The following PRKN variants were observed in gnomAD, a reference collection of about 807,000 sequenced individuals.
PRKN encodes E3 ubiquitin-protein ligase parkin.
A neutral mutation model predicts 59.5 loss-of-function variants in PRKN; 56 were observed. That is an observed-to-expected ratio of 0.94 (90% confidence interval 0.76 to 1.18). The LOEUF (loss-of-function observed/expected upper bound fraction) is 1.18, where lower values mean the gene tolerates loss of function less well. PRKN is among the 50% of genes most tolerant of loss of function. PRKN has a pLI of 0.00. For synonymous variants in PRKN, 250 were observed against 222.1 expected (o/e 1.13, Z -1.12); for missense variants, 657 against 596.4 (o/e 1.10, Z -1.06).
At chr6:162,154,852 T>C (rs1782435400) in intron 4 of PRKN, among the ~76,000 whole-genome samples, 1 of 151,930 alleles carries the variant, frequency 6.6e-6, no homozygotes, top group African/African-American at 2.4e-5. Context: ...TTGATACACA[T>C]ATATTTTCTT....
intron 1 of PRKN, among the ~76,000 whole-genome samples, chr6:162,446,063 G>A (rs1355315700): frequency 6.6e-6 from 1 of 152,180 alleles, no homozygotes; most frequent in Non-Finnish European, 1.5e-5. Flanking sequence ...AGGAAAAGGT[G>A]CTTTTGATAC....
intron 2 of PRKN, among the ~76,000 whole-genome samples, chr6:162,416,733 C>T (rs17529799): frequency 0.015 from 2,324 of 152,174 alleles, 37 homozygotes; most frequent in Non-Finnish European, 0.025. Context: ...CTTACTGACA[C>T]GTGATTGGGG....
chr6:161,778,184 G>A (rs571071554), intron 7 of PRKN, among the ~76,000 whole-genome samples: 3 of 152,166 alleles, frequency 2.0e-5, no homozygotes, highest in South Asian at 4.2e-4. Context: ...TGGTGACTAT[G>A]CCACCCCAGC....
At chr6:162,177,845 T>C (rs1289401796) in intron 4 of PRKN, among the ~76,000 whole-genome samples, 1 of 152,196 alleles carries the variant, frequency 6.6e-6, no homozygotes, top group Non-Finnish European at 1.5e-5. Flanking sequence ...AAGCTGCAGC[T>C]GCGTGCCTCC....
intron 9 of PRKN, among the ~76,000 whole-genome samples, chr6:161,427,327 A>G (rs568257588): frequency 8.5e-5 from 13 of 152,162 alleles, no homozygotes; most frequent in Non-Finnish European, 1.6e-4. Context: ...TATGCGAATC[A>G]TCTTTTTTAA....
intron 2 of PRKN, among the ~76,000 whole-genome samples, chr6:162,416,769 A>G (rs1788648225): frequency 6.6e-6 from 1 of 152,184 alleles, no homozygotes; most frequent in Non-Finnish European, 1.5e-5. Context: ...CATTTCTACA[A>G]AGCATTTTAT....
In PRKN at chr6:162,253,968, G is replaced by A. The variant is rs542497606; in HGVS notation, c.412+8557C>T. Among the ~76,000 whole-genome samples, 4 of 152,220 alleles carry A rather than the reference G, an allele frequency of 2.6e-5. No individual in the cohort carries two copies. The East Asian group carries it at 7.7e-4, about 29-fold the overall frequency. On this transcript the variant is annotated intron_variant, in intron 3 of 11. Coordinates refer to ENST00000366898, the MANE Select transcript of PRKN (RefSeq NM_004562.3). ...GAAATTACATGGCAAACAACAATCT[G>A]TGAAAACTTTCAAATCATACTTTCC...
intron 6 of PRKN, among the ~76,000 whole-genome samples, chr6:161,786,555 A>T (rs1341163638): frequency 6.6e-6 from 1 of 152,136 alleles, no homozygotes; most frequent in African/African-American, 2.4e-5. Flanking sequence ...AAATTCTGCT[A>T]TCCCACTTAT....
chr6:161,439,263 T>A (rs149302821), intron 9 of PRKN, among the ~76,000 whole-genome samples: 1 of 152,082 alleles, frequency 6.6e-6, no homozygotes, highest in African/African-American at 2.4e-5. Flanking sequence ...TCCCAACAAC[T>A]GGCCTCCCTC....
At chr6:161,469,044 C>G (rs1451619827) in intron 9 of PRKN, among the ~76,000 whole-genome samples, 1 of 152,212 alleles carries the variant, frequency 6.6e-6, no homozygotes. Flanking sequence ...AGAGTCAATA[C>G]TGCCACCTCC....
At chr6:162,104,314 C>A (rs1780097475) in intron 4 of PRKN, among the ~76,000 whole-genome samples, 1 of 152,152 alleles carries the variant, frequency 6.6e-6, no homozygotes, top group South Asian at 2.1e-4. Flanking sequence ...GTATTTCCAG[C>A]ACAAGATTCT....
intron 3 of PRKN, among the ~76,000 whole-genome samples, chr6:162,256,266 G>T (rs1250296598): frequency 2.0e-5 from 3 of 152,036 alleles, no homozygotes; most frequent in African/African-American, 7.2e-5. Flanking sequence ...TATTAATTCT[G>T]TTTTTCTTAC....
chr6:162,699,909 A>G (rs1284802271), intron 1 of PRKN, among the ~76,000 whole-genome samples: 1 of 152,182 alleles, frequency 6.6e-6, no homozygotes, highest in Non-Finnish European at 1.5e-5. Flanking sequence ...ACAAGAGAAA[A>G]TTAAAACTCA....
At chr6:161,543,716 A>C (rs1160960436) in intron 9 of PRKN, among the ~76,000 whole-genome samples, 1 of 152,246 alleles carries the variant, frequency 6.6e-6, no homozygotes, top group Non-Finnish European at 1.5e-5. Context: ...ACTTCAAATC[A>C]TTATTTTAAT....
chr6:162,116,933 G>T (rs1268430929), intron 4 of PRKN, among the ~76,000 whole-genome samples: 1 of 152,168 alleles, frequency 6.6e-6, no homozygotes, highest in Non-Finnish European at 1.5e-5. Flanking sequence ...ATTGCAGAGG[G>T]ACTGAAGGAT....
chr6:162,201,288 G>C, intron 3 of PRKN, 36 bp from the exon 4 acceptor site: 1 of 1,608,484 alleles, frequency 6.2e-7, no homozygotes, highest in African/African-American at 1.3e-5. Context: ...GGCTAATAAT[G>C]CTGCATCTAA....
intron 1 of PRKN, among the ~76,000 whole-genome samples, chr6:162,467,272 C>T (rs12525824): frequency 0.036 from 5,447 of 152,186 alleles, 153 homozygotes; most frequent in Non-Finnish European, 0.056. Context: ...CTACTCTATC[C>T]CCAATGTCTG....
Position 161,466,578 on chromosome 6 carries a change from G to C in PRKN, c.1084-79701C>G, listed in dbSNP as rs1030118785. Among the ~76,000 whole-genome samples the C allele has an allele frequency of 5.9e-5, 9 of 152,166 alleles. No individual in the cohort carries two copies. In the East Asian group the frequency reaches 1.7e-3, roughly 29 times the overall value. On this transcript the variant is annotated intron_variant, in intron 9 of 11. Coordinates refer to ENST00000366898, the MANE Select transcript of PRKN (RefSeq NM_004562.3). The surrounding 1 kb of genome is among the most constrained non-coding windows in gnomAD (Gnocchi z 5.0). The stretch of plus-strand genomic sequence containing the variant: ...GGATGTTAGGATGAAGGTACAGTTT[G>C]CATATTAAAAGATAAGCCAGTACAT...
In PRKN at chr6:161,356,921, G is replaced by T. The variant is rs966848883; in HGVS notation, c.1285+3167C>A. Among the ~76,000 whole-genome samples, 2 of 152,060 alleles carry T rather than the reference G, an allele frequency of 1.3e-5. No homozygotes were observed. The highest frequency in any genetic ancestry group is 2.4e-5 in the African/African-American group (1 of 41,386). On this transcript the variant is annotated intron_variant, in intron 11 of 11. Transcript: ENST00000366898. This position sits in a 1 kb window ranked among gnomAD's most constrained non-coding sequence, Gnocchi z 7.8. ...ATAGTATTTAAGGCCACAAGACTGG[G>T]CTGTATGTTATGTGTCACAAAGGTG...
Sources: gnomAD v4.1 joint callset for allele counts (sites outside exome capture counted in the v4.1 genomes callset) on GRCh38, gnomAD v4.1.1 for gene constraint, Gnocchi (gnomAD v3.1) non-coding constraint, MANE v1.5 for transcripts, NCBI Gene and HGNC (gene_info 2026-07-23, HGNC 2026-07-21) for gene names.